The following DHRS3 variants were observed in gnomAD, a reference collection of about 807,000 sequenced individuals.
The protein encoded by DHRS3 is short-chain dehydrogenase/reductase 3.
DHRS3 carries 14 observed loss-of-function variants against 27.2 expected under a neutral mutation model. The ratio of observed to expected loss-of-function variants is 0.52; its 90% confidence interval spans 0.34 to 0.81. The LOEUF (loss-of-function observed/expected upper bound fraction) is 0.81. DHRS3 is among the 30% of genes least tolerant of loss of function. The pLI is 0.01. For synonymous variants in DHRS3, 165 were observed against 175.9 expected, an observed-to-expected ratio of 0.94 and a Z score of 0.49; for missense variants, 322 against 406.2, an observed-to-expected ratio of 0.79 and a Z score of 1.78.
rs1646952412 is a variant in DHRS3 at position 12,617,467 on chromosome 1, TG to T, written c.-120del. On this transcript the variant is annotated 5_prime_UTR_variant, in exon 1 of 6. Transcript: ENST00000616661. ...ATAAGGAGGAGAGAGGCGTCCCACC[TG>T]GCCACTCTTGAAATCACCTCTTCCC... The T allele has an allele frequency of 1.2e-6, 1 of 807,270 alleles. No individual in the cohort carries two copies. The highest frequency in any genetic ancestry group is 2.0e-5 in the African/African-American group (1 of 49,424). 50.0% of individuals were successfully genotyped at this position (807,270 alleles called of 1,614,324 possible).
chr1:12,588,590 A>G (rs1646718818), intron 1 of DHRS3, among the ~76,000 whole-genome samples: 1 of 152,162 alleles, frequency 6.6e-6, no homozygotes, highest in Non-Finnish European at 1.5e-5. Context: ...AATCTTATTC[A>G]TCTCGTAACC....
At chr1:12,579,192 T>C (rs756745413) in intron 3 of DHRS3, 101 bp downstream of exon 3, 23 of 1,587,882 alleles carry the variant, frequency 1.4e-5, no homozygotes, top group Non-Finnish European at 1.6e-5. Flanking sequence ...TGGACATCCC[T>C]GCTGGCCTGA....
At chr1:12,603,740 C>T (rs1646851264) in intron 1 of DHRS3, among the ~76,000 whole-genome samples, 1 of 152,218 alleles carries the variant, frequency 6.6e-6, no homozygotes, top group Admixed American at 6.5e-5. Flanking sequence ...CCCCGAAAGG[C>T]TGCTGAAAAG....
In DHRS3 at chr1:12,617,924, G is replaced by A. The variant is rs1318028726; in HGVS notation, c.-576C>T. On this transcript the variant is annotated 5_prime_UTR_variant, in exon 1 of 6. Transcript: ENST00000616661. The stretch of plus-strand genomic sequence containing the variant: ...GAGCTCCCAATTTCAGCCCGCGAAA[G>A]TCTCCCGACTCATTGCTATTCTTGG... Among the ~76,000 whole-genome samples, 1 of 125,596 alleles carries A rather than the reference G, an allele frequency of 8.0e-6. No homozygotes were observed. Among genetic ancestry groups the A allele is most frequent in the African/African-American group, 3.1e-5 (1 of 32,486 alleles). 82.4% of individuals were successfully genotyped at this position (125,596 alleles called of 152,430 possible).
rs188596661 is a variant in DHRS3 at position 12,591,641 on chromosome 1, G to A, written c.196-10975C>T. Among the ~76,000 whole-genome samples the A allele has an allele frequency of 1.5e-3, 228 of 152,338 alleles. 2 individuals carry two copies. Among genetic ancestry groups the A allele is most frequent in the Middle Eastern group, 6.8e-3 (2 of 292 alleles). ...TGCCTCAGCATGGGTGCCGTGGGGCGTCTAGTCCTCTGTCAGCTCAGAAGG... is the reference window on the plus strand; with the variant it reads ...TGCCTCAGCATGGGTGCCGTGGGGCATCTAGTCCTCTGTCAGCTCAGAAGG... On this transcript the variant is annotated intron_variant, in intron 1 of 5. Coordinates refer to ENST00000616661, the MANE Select transcript of DHRS3 (RefSeq NM_004753.7). The surrounding 1 kb of genome is among the most constrained non-coding windows in gnomAD (Gnocchi z 4.1).
intron 1 of DHRS3, among the ~76,000 whole-genome samples, chr1:12,612,876 T>C (rs977434595): frequency 9.2e-5 from 14 of 152,014 alleles, no homozygotes; most frequent in Admixed American, 6.5e-4. Context: ...CTGACCAACA[T>C]GGAGAAACCC....
At chr1:12,601,949 C>T (rs756810648) in intron 1 of DHRS3, among the ~76,000 whole-genome samples, 10 of 152,146 alleles carry the variant, frequency 6.6e-5, no homozygotes, top group Admixed American at 3.3e-4. Context: ...TACAATGGGT[C>T]GGTCATGCAT....
intron 2 of DHRS3, chr1:12,579,629 C>T: frequency 2.1e-6 from 1 of 486,868 alleles, no homozygotes; most frequent in Non-Finnish European, 3.5e-6. Context: ...GCTCCTGCCA[C>T]CATGCCTGGC....
intron 1 of DHRS3, among the ~76,000 whole-genome samples, chr1:12,606,311 C>CAA (rs56928608): frequency 0.04 from 3,880 of 98,044 alleles, 127 homozygotes; most frequent in East Asian, 0.057. Flanking sequence ...CAATTAACAG[C>CAA]AAAAAAAAAA....
intron 1 of DHRS3, among the ~76,000 whole-genome samples, chr1:12,615,695 G>A (rs4240903): frequency 0.34 from 51,715 of 152,030 alleles, 8,993 homozygotes; most frequent in East Asian, 0.52. Flanking sequence ...CAAACCCCAC[G>A]TCCGCCCCAA....
At chr1:12,587,498 C>T (rs760915800) in intron 1 of DHRS3, among the ~76,000 whole-genome samples, 22 of 151,968 alleles carry the variant, frequency 1.4e-4, no homozygotes, top group Admixed American at 8.5e-4. Flanking sequence ...AGCTGACTGT[C>T]GTTTGCTTCT....
chr1:12,578,585 C>CTAGGATTA lies in DHRS3; in HGVS notation c.698+125_698+132dup. On this transcript the variant is annotated intron_variant, in intron 4 of 5. Transcript: ENST00000616661. The surrounding 1 kb of genome is among the most constrained non-coding windows in gnomAD (Gnocchi z 4.5). ...CCACCTGCCTTGGCTTCCCAAAATG[C>CTAGGATTA]TAGGATTATAGGTATGAGGCACCGT... 1 of 887,342 alleles carries CTAGGATTA rather than the reference C, an allele frequency of 1.1e-6. No individual in the cohort carries two copies. Among genetic ancestry groups the CTAGGATTA allele is most frequent in the Non-Finnish European group, 1.8e-6 (1 of 568,210 alleles). The allele number at this position is 887,342 out of a possible 1,614,324, so 55.0% of individuals were successfully genotyped here. A position where few individuals can be genotyped will look rare whatever the true frequency, so the allele number is the denominator to read the frequency against.
chr1:12,592,960 C>T lies in DHRS3; in HGVS notation c.196-12294G>A, dbSNP rs1469970288. 7.2e-5 allele frequency among the ~76,000 whole-genome samples: 11 copies of T among 152,254 alleles called. No individual in the cohort carries two copies. Among genetic ancestry groups the T allele is most frequent in the African/African-American group, 2.7e-4 (11 of 41,468 alleles). On this transcript the variant is annotated intron_variant, in intron 1 of 5. Transcript: ENST00000616661. The surrounding 1 kb of genome is among the most constrained non-coding windows in gnomAD (Gnocchi z 4.2). ...GGCTTCTCACCACTTCTCGCCACCT[C>T]CACGGCGCCTTGGGGCCCTGCCTCA... is the stretch of plus-strand genomic sequence containing the variant.
At chr1:12,573,798 G>A (rs191570655) in intron 4 of DHRS3, among the ~76,000 whole-genome samples, 1 of 152,318 alleles carries the variant, frequency 6.6e-6, no homozygotes, top group East Asian at 1.9e-4. Flanking sequence ...CAATGATGAT[G>A]TTCCCTACGT....
intron 1 of DHRS3, among the ~76,000 whole-genome samples, chr1:12,589,320 G>C (rs56020439): frequency 0.31 from 46,985 of 151,694 alleles, 7,603 homozygotes; most frequent in African/African-American, 0.4. Flanking sequence ...TAACAGTTAT[G>C]AATTAACATG....
At position 12,568,222 on chromosome 1, in the gene DHRS3, G is replaced by T; in HGVS notation, c.*118C>A. The stretch of plus-strand genomic sequence containing the variant: ...AGGGGCAGCCGGATTCTTCGCTGGG[G>T]ACAGGAGCTGTCCTGCTCACCCAGC... On this transcript the variant is annotated 3_prime_UTR_variant, in exon 6 of 6. Coordinates refer to ENST00000616661, the MANE Select transcript of DHRS3 (RefSeq NM_004753.7). The T allele has an allele frequency of 3.1e-6, 3 of 976,828 alleles. No homozygotes were observed. The highest frequency in any genetic ancestry group is 4.8e-6 in the Non-Finnish European group (3 of 619,322). The allele number at this position is 976,828 out of a possible 1,614,324, so 60.5% of individuals were successfully genotyped here. A position where few individuals can be genotyped will look rare whatever the true frequency, so the allele number is the denominator to read the frequency against.
chr1:12,608,309 A>G lies in DHRS3; in HGVS notation c.195+8845T>C, dbSNP rs1356133454. On this transcript the variant is annotated intron_variant, in intron 1 of 5. Transcript: ENST00000616661. The surrounding 1 kb of genome is among the most constrained non-coding windows in gnomAD (Gnocchi z 4.1). ...CATGTAGAGTACCACGGTCATGAAT[A>G]TTACTAGGAACGCAAGGAAGCCATC... 6.6e-6 allele frequency among the ~76,000 whole-genome samples: 1 copy of G among 152,112 alleles called. No homozygotes were observed. Among genetic ancestry groups the G allele is most frequent in the African/African-American group, 2.4e-5 (1 of 41,404 alleles).
At chr1:12,613,415 C>T (rs1646923297) in intron 1 of DHRS3, among the ~76,000 whole-genome samples, 2 of 152,216 alleles carry the variant, frequency 1.3e-5, no homozygotes. Flanking sequence ...CTTTATTCAT[C>T]TTTGCTACAT....
At chr1:12,582,002 C>T (rs376958769) in intron 1 of DHRS3, among the ~76,000 whole-genome samples, 9 of 152,354 alleles carry the variant, frequency 5.9e-5, no homozygotes, top group East Asian at 5.8e-4. Flanking sequence ...AAACACCTGA[C>T]TCCATAATAT....
Sources: gnomAD v4.1 joint callset for allele counts (sites outside exome capture counted in the v4.1 genomes callset) on GRCh38, gnomAD v4.1.1 for gene constraint, Gnocchi (gnomAD v3.1) non-coding constraint, MANE v1.5 for transcripts, NCBI Gene and HGNC (gene_info 2026-07-23, HGNC 2026-07-21) for gene names.